Variants in ELF2 observed in about 807,000 individuals in gnomAD.
The protein encoded by ELF2 is E74 like ETS transcription factor 2.
In ELF2, 11 loss-of-function variants were observed where a neutral mutation model predicts 54.8. The ratio of observed to expected loss-of-function variants is 0.20; its 90% CI spans 0.13 to 0.33. ELF2 has a LOEUF of 0.33. Among genes scored for constraint, ELF2 ranks in the 10% least tolerant of loss-of-function variants. The pLI is 1.00. For synonymous variants in ELF2, 203 were observed against 245.1 expected, an observed-to-expected ratio of 0.83 and a Z score of 1.61; for missense variants, 513 against 703.0, an observed-to-expected ratio of 0.73 and a Z score of 3.06.
intron 1 of ELF2, among the ~76,000 whole-genome samples, chr4:139,172,334 T>G (rs76561950): frequency 1.3e-5 from 2 of 152,306 alleles, no homozygotes; most frequent in African/African-American, 4.8e-5. Flanking sequence ...AATGGAAAAT[T>G]TCAGAAATAA....
intron 4 of ELF2, among the ~76,000 whole-genome samples, chr4:139,099,115 T>G (rs1733609835): frequency 6.6e-6 from 1 of 152,230 alleles, no homozygotes; most frequent in Non-Finnish European, 1.5e-5. Context: ...AAATAATGTT[T>G]CATACAGTTC....
chr4:139,127,314 G>T (rs1327095285), intron 3 of ELF2, among the ~76,000 whole-genome samples: 1 of 152,128 alleles, frequency 6.6e-6, no homozygotes, highest in African/African-American at 2.4e-5. Context: ...ATACCATACT[G>T]TAGCACTGCC....
chr4:139,103,152 G>C (rs1031564103), intron 4 of ELF2, among the ~76,000 whole-genome samples: 8 of 152,194 alleles, frequency 5.3e-5, no homozygotes, highest in Non-Finnish European at 7.4e-5. Context: ...CTACTGATAA[G>C]AAAATCTCCC....
chr4:139,166,684 T>A (rs553951231), intron 1 of ELF2, among the ~76,000 whole-genome samples: 1 of 151,882 alleles, frequency 6.6e-6, no homozygotes, highest in Admixed American at 6.6e-5. Context: ...CTGGCTAACA[T>A]AGTGAAACCC....
chr4:139,084,566 G>C (rs1434977382), intron 4 of ELF2: 2 of 340,478 alleles, frequency 5.9e-6, no homozygotes, highest in African/African-American at 2.2e-5. Context: ...AGCCTGCGGC[G>C]AGAGACACCT....
At chr4:139,072,196 G>T in intron 5 of ELF2, 157 bp from the exon 6 acceptor site, 4 of 658,358 alleles carry the variant, frequency 6.1e-6, no homozygotes, top group Non-Finnish European at 9.8e-6. Context: ...TATTCGATAT[G>T]ATTTAAACTA....
chr4:139,084,020 T>G (rs1475338104), intron 4 of ELF2: 106 of 1,547,440 alleles, frequency 6.9e-5, no homozygotes, highest in Non-Finnish European at 8.7e-5. Context: ...CCAGTGACTG[T>G]GAGGTGGACA....
chr4:139,164,434 G>A (rs758606057), intron 1 of ELF2, among the ~76,000 whole-genome samples: 8 of 152,120 alleles, frequency 5.3e-5, no homozygotes, highest in Admixed American at 4.6e-4. Flanking sequence ...TCAGGAGTTC[G>A]AGACCAGCCT....
At chr4:139,152,244 T>C (rs1740076045) in intron 1 of ELF2, among the ~76,000 whole-genome samples, 1 of 152,104 alleles carries the variant, frequency 6.6e-6, no homozygotes, top group Non-Finnish European at 1.5e-5. Context: ...AAAAGGACAA[T>C]GTACAAAATT....
rs78444881 is a variant in ELF2, at chr4:139,145,251, G to A, written c.-251-5754C>T. ...ACAACCAGCATTTAAGAAAGCCAAC[G>A]CACTACGGCTATTTACAACCAAGGA... On this transcript the variant is annotated intron_variant, in intron 1 of 9. Coordinates refer to ENST00000686138, the MANE Select transcript of ELF2 (RefSeq NM_001331036.3). Among the ~76,000 whole-genome samples, 1,306 of 152,320 alleles carry A rather than the reference G, an allele frequency of 8.6e-3. 10 individuals are homozygous for A. The highest frequency in any genetic ancestry group is 0.015 in the Non-Finnish European group (999 of 68,034).
chr4:139,120,440 G>C (rs1348622593), intron 4 of ELF2, among the ~76,000 whole-genome samples: 1 of 151,928 alleles, frequency 6.6e-6, no homozygotes, highest in African/African-American at 2.4e-5. Flanking sequence ...CTAATTGCAT[G>C]GTACTTTCTT....
chr4:139,160,864 G>A (rs1410144473), intron 1 of ELF2, among the ~76,000 whole-genome samples: 1 of 152,174 alleles, frequency 6.6e-6, no homozygotes, highest in African/African-American at 2.4e-5. Context: ...TCCAGAAGCT[G>A]AGACAGAAGA....
intron 1 of ELF2, among the ~76,000 whole-genome samples, chr4:139,145,866 CA>C (rs934464761): frequency 1.3e-5 from 2 of 151,932 alleles, no homozygotes; most frequent in African/African-American, 4.8e-5. Context: ...ACCCAAAAAA[CA>C]AGGCACAGAA....
At chr4:139,135,227 T>A in intron 3 of ELF2, among the ~76,000 whole-genome samples, 1 of 139,908 alleles carries the variant, frequency 7.1e-6, no homozygotes, top group East Asian at 2.0e-4. Flanking sequence ...ATACATATAC[T>A]ACTATATATA....
intron 8 of ELF2, among the ~76,000 whole-genome samples, chr4:139,061,299 C>T (rs1173659495): frequency 6.6e-6 from 1 of 151,928 alleles, no homozygotes; most frequent in Non-Finnish European, 1.5e-5. Context: ...CTCAGCCTCC[C>T]GAATAGCTGG....
intron 6 of ELF2, 28 bp from the exon 7 acceptor site, chr4:139,067,798 C>T (rs547148762): frequency 7.1e-6 from 11 of 1,541,818 alleles, no homozygotes; most frequent in East Asian, 4.6e-5. Flanking sequence ...TGAAACCATA[C>T]GTTGAAAACA....
intron 1 of ELF2, among the ~76,000 whole-genome samples, chr4:139,152,462 G>C (rs1740101314): frequency 6.6e-6 from 1 of 151,786 alleles, no homozygotes; most frequent in African/African-American, 2.4e-5. Flanking sequence ...TGCACAAGTA[G>C]CTGGGACCAC....
At chr4:139,112,713 AT>A (rs1245333858) in intron 4 of ELF2, among the ~76,000 whole-genome samples, 5 of 151,942 alleles carry the variant, frequency 3.3e-5, no homozygotes, top group African/African-American at 1.2e-4. Context: ...TTTTTTTTTA[AT>A]TTTTTTAGTA....
chr4:139,130,992 A>G (rs1361543356), intron 3 of ELF2, among the ~76,000 whole-genome samples: 2 of 152,206 alleles, frequency 1.3e-5, no homozygotes, highest in Non-Finnish European at 2.9e-5. Context: ...AGGGGATGGA[A>G]GAGAAGAAAC....
Sources: allele counts gnomAD v4.1 joint callset (sites outside exome capture counted in the v4.1 genomes callset), GRCh38; gene constraint gnomAD v4.1.1; transcripts MANE v1.5; gene names NCBI Gene and HGNC (gene_info 2026-07-23, HGNC 2026-07-21).